Variants in CEP112 observed in about 807,000 individuals in gnomAD.
CEP112 encodes the protein centrosomal protein of 112 kDa.
Under a neutral mutation model 153.0 loss-of-function variants are expected in CEP112, and 127 were observed. The observed-to-expected ratio is 0.83, with a 90% CI of 0.72 to 0.96. The LOEUF (loss-of-function observed/expected upper bound fraction) is 0.96, where lower values mean the gene tolerates loss of function less well. Ranked by LOEUF, CEP112 falls within the 40% of genes least tolerant of loss-of-function variation. CEP112 has a pLI of 0.00. For missense variants in CEP112, 1,089 were observed against 1,101.2 expected, an observed-to-expected ratio of 0.99 and a Z score of 0.16; for synonymous variants, 358 against 374.4, an observed-to-expected ratio of 0.96 and a Z score of 0.51.
At chr17:65,905,340 A>G (rs2060030132) in intron 19 of CEP112, among the ~76,000 whole-genome samples, 1 of 152,246 alleles carries the variant, frequency 6.6e-6, no homozygotes, top group Non-Finnish European at 1.5e-5. Flanking sequence ...GACAACAAAC[A>G]TATGGAAAAA....
At chr17:65,764,857 C>T (rs1598505610) in intron 21 of CEP112, among the ~76,000 whole-genome samples, 1 of 142,914 alleles carries the variant, frequency 7.0e-6, no homozygotes, top group Non-Finnish European at 1.5e-5. Flanking sequence ...TTCTTATTTG[C>T]CTTCATGATT....
intron 3 of CEP112, among the ~76,000 whole-genome samples, chr17:66,175,844 C>A (rs937606948): frequency 1.3e-5 from 2 of 152,188 alleles, no homozygotes; most frequent in Admixed American, 6.5e-5. Context: ...ATCTTCACAT[C>A]TAGATGTGCT....
At chr17:66,033,255 A>C (rs1398313650) in intron 12 of CEP112, among the ~76,000 whole-genome samples, 4 of 138,816 alleles carry the variant, frequency 2.9e-5, no homozygotes, top group Non-Finnish European at 6.2e-5. Context: ...AATGACATAC[A>C]AGAAAACTAT....
intron 6 of CEP112, among the ~76,000 whole-genome samples, chr17:66,098,459 A>G (rs1345293497): frequency 6.6e-6 from 1 of 152,236 alleles, no homozygotes; most frequent in African/African-American, 2.4e-5. Context: ...ATTACGGTTA[A>G]TAACTCTTGA....
chr17:65,958,853 T>C (rs148571897), intron 18 of CEP112, among the ~76,000 whole-genome samples: 1 of 152,142 alleles, frequency 6.6e-6, no homozygotes, highest in East Asian at 1.9e-4. Context: ...TCGTGGTGCC[T>C]TTTCTGGGCC....
chr17:65,736,026 T>A (rs2050784980), intron 23 of CEP112, among the ~76,000 whole-genome samples: 1 of 152,170 alleles, frequency 6.6e-6, no homozygotes, highest in South Asian at 2.1e-4. Context: ...AGTTACCTTA[T>A]CAGTAGTGTG....
chr17:65,774,673 G>A (rs1054628047), intron 21 of CEP112, among the ~76,000 whole-genome samples: 3 of 152,182 alleles, frequency 2.0e-5, no homozygotes, highest in African/African-American at 4.8e-5. Flanking sequence ...CAGGATCGGA[G>A]GCCCTACCCC....
At chr17:65,904,724 A>G (rs1275594790) in intron 19 of CEP112, among the ~76,000 whole-genome samples, 1 of 152,228 alleles carries the variant, frequency 6.6e-6, no homozygotes, top group Non-Finnish European at 1.5e-5. Context: ...TACAGTAACC[A>G]GAACAGCAAG....
At chr17:65,772,989 T>C (rs1204065858) in intron 21 of CEP112, among the ~76,000 whole-genome samples, 9 of 152,202 alleles carry the variant, frequency 5.9e-5, no homozygotes, top group Admixed American at 5.9e-4. Context: ...ATTGGCTAAA[T>C]GTGTTACACA....
intron 21 of CEP112, among the ~76,000 whole-genome samples, chr17:65,802,534 C>T (rs2055341518): frequency 6.6e-6 from 1 of 152,170 alleles, no homozygotes; most frequent in African/African-American, 2.4e-5. Context: ...CTCAGTCACA[C>T]AAACTAGAAA....
intron 19 of CEP112, among the ~76,000 whole-genome samples, chr17:65,915,739 G>A (rs1466537642): frequency 7.5e-6 from 1 of 133,370 alleles, no homozygotes; most frequent in Non-Finnish European, 1.5e-5. Flanking sequence ...AGTGAGCTGA[G>A]ATCACACCAC....
chr17:65,797,110 C>T (rs2054980513), intron 21 of CEP112: 3 of 151,990 alleles, frequency 2.0e-5, no homozygotes, highest in Non-Finnish European at 4.4e-5. Flanking sequence ...TGATAGCCAT[C>T]ATGGTATGTA....
chr17:65,724,723 G>A (rs796718252), intron 23 of CEP112, among the ~76,000 whole-genome samples: 89 of 152,292 alleles, frequency 5.8e-4, no homozygotes, highest in African/African-American at 2.1e-3. Context: ...AATAGTGTCC[G>A]AAAGACTTCT....
chr17:65,644,313 C>A, intron 24 of CEP112: 2 of 576,322 alleles, frequency 3.5e-6, no homozygotes, highest in South Asian at 3.9e-5. Flanking sequence ...AGGCCATGTT[C>A]CATTTGAGTG....
rs528010031 is a variant in CEP112 at position 65,741,987 on chromosome 17, T to C, written c.2607+1081A>G. 9.5e-5 allele frequency among the ~76,000 whole-genome samples: 14 copies of C among 148,084 alleles called. No individual in the cohort carries two copies. The East Asian group carries it at 2.8e-3, about 29-fold the overall frequency. Reference sequence around the variant, plus strand: ...AAATAAGCTTGCAGGTGGAAATACATAGGAAAAATGTCATTAAAAAAAAAA... The same window carrying C: ...AAATAAGCTTGCAGGTGGAAATACACAGGAAAAATGTCATTAAAAAAAAAA... On this transcript the variant is annotated intron_variant, in intron 23 of 26. Transcript: ENST00000535342.
chr17:66,019,638 T>C (rs1327740643), intron 16 of CEP112, among the ~76,000 whole-genome samples: 1 of 152,240 alleles, frequency 6.6e-6, no homozygotes, highest in South Asian at 2.1e-4. Context: ...AAGATTGTTA[T>C]TATTTTAAAC....
In CEP112 at chr17:66,005,953, C is replaced by A. The variant is rs897875262; in HGVS notation, c.1657-184G>T. On this transcript the variant is annotated intron_variant, in intron 16 of 26. Coordinates refer to ENST00000535342, the MANE Select transcript of CEP112 (RefSeq NM_001199165.4). ...AATACTATACTCAAATACCTATTTT[C>A]TGTTCAAAATGAATTTCTTGAGTCT... Among the ~76,000 whole-genome samples the A allele has an allele frequency of 8.5e-5, 13 of 152,052 alleles. 1 individual carries two copies. In the East Asian group the frequency reaches 2.5e-3, roughly 29 times the overall value.
chr17:66,143,862 G>A (rs1030784710), intron 4 of CEP112, among the ~76,000 whole-genome samples: 3 of 152,238 alleles, frequency 2.0e-5, no homozygotes, highest in African/African-American at 4.8e-5. Flanking sequence ...ATCATGAAAC[G>A]GGCAACAAAT....
chr17:65,719,294 T>C (rs920519405), intron 23 of CEP112, among the ~76,000 whole-genome samples: 1 of 152,066 alleles, frequency 6.6e-6, no homozygotes, highest in Non-Finnish European at 1.5e-5. Flanking sequence ...GGAACATTAG[T>C]CCGGGCGCAG....
Sources: gnomAD v4.1 joint callset for allele counts (sites outside exome capture counted in the v4.1 genomes callset) on GRCh38, gnomAD v4.1.1 for gene constraint, MANE v1.5 for transcripts, NCBI Gene and HGNC (gene_info 2026-07-23, HGNC 2026-07-21) for gene names.